The following MEP1B variants were observed in gnomAD, a reference collection of about 807,000 sequenced individuals.
MEP1B encodes the protein meprin A subunit beta.
MEP1B carries 80 observed loss-of-function variants against 84.6 expected under a neutral mutation model. The observed-to-expected ratio is 0.95, with a 90% CI of 0.79 to 1.14. MEP1B has a LOEUF of 1.14. MEP1B is among the 50% of genes most tolerant of loss of function. The pLI is 0.00. For synonymous variants in MEP1B, 273 were observed against 288.1 expected (o/e 0.95, Z 0.53); for missense variants, 766 against 855.1 (o/e 0.90, Z 1.30).
At chr18:32,198,127 G>C (rs16962801) in intron 5 of MEP1B, among the ~76,000 whole-genome samples, 1 of 152,120 alleles carries the variant, frequency 6.6e-6, no homozygotes, top group Non-Finnish European at 1.5e-5. Context: ...TGGAGGGGCA[G>C]TAAACTCAAC....
intron 14 of MEP1B, among the ~76,000 whole-genome samples, chr18:32,219,544 G>A (rs1456428666): frequency 2.0e-5 from 3 of 152,128 alleles, no homozygotes; most frequent in African/African-American, 7.2e-5. Flanking sequence ...TTGGTGCATG[G>A]AAGGTGGAAG....
At position 32,215,255 on chromosome 18, in the gene MEP1B, G is replaced by A. The variant is rs1359146630; in HGVS notation, c.1753G>A (p.Val585Met). 6.4e-7 allele frequency: 1 copy of A among 1,564,704 alleles called. No homozygotes were observed. Among genetic ancestry groups the A allele is most frequent in the Non-Finnish European group, 8.6e-7 (1 of 1,158,182 alleles). Residue 585 changes from valine to methionine, a missense_variant, in exon 12 of 15, where the codon GTG becomes ATG. Val to Met is a conservative substitution (Grantham distance 21). Transcript: ENST00000269202. Reference sequence around the variant, plus strand: ...AGATGATGTTTATATCCTACTGACAGTGGAAGGTATGTCAATAAAAATAGT... The same window carrying A: ...AGATGATGTTTATATCCTACTGACAATGGAAGGTATGTCAATAAAAATAGT... ...KGDDVYILLT[V>M]EDISHLNSTQ...
At chr18:32,214,555 G>A (rs1047322701) in intron 11 of MEP1B, among the ~76,000 whole-genome samples, 1 of 152,134 alleles carries the variant, frequency 6.6e-6, no homozygotes, top group Non-Finnish European at 1.5e-5. Flanking sequence ...GGGCTGGGTA[G>A]GTCATTATCT....
chr18:32,205,813 C>T (rs914608667), intron 7 of MEP1B, among the ~76,000 whole-genome samples: 1 of 152,036 alleles, frequency 6.6e-6, no homozygotes. Context: ...ATTGTATATA[C>T]TTATGTGGTA....
At chr18:32,191,553 C>G (rs1436317367) in intron 1 of MEP1B, among the ~76,000 whole-genome samples, 2 of 151,940 alleles carry the variant, frequency 1.3e-5, no homozygotes, top group South Asian at 2.1e-4. Flanking sequence ...TCTGCCTTTT[C>G]CCCCCCAATT....
rs74456477 is a variant in MEP1B, at chr18:32,203,300, T to G, written c.368+290T>G. 416 of 251,032 alleles carry G rather than the reference T, an allele frequency of 1.7e-3. 10 individuals are homozygous for G. The East Asian group carries it at 0.032, about 19-fold the overall frequency. 15.6% of individuals were successfully genotyped at this position (251,032 alleles called of 1,614,324 possible). On this transcript the variant is annotated intron_variant, in intron 6 of 14. Coordinates refer to ENST00000269202, the MANE Select transcript of MEP1B (RefSeq NM_005925.3). ...GTAATTTACATACTCTTTATCCCTT[T>G]CAAGTAAAAAACATGTGTATTTATG...
chr18:32,220,318 A>G lies in MEP1B; in HGVS notation c.*73A>G. 2 of 1,345,420 alleles carry G rather than the reference A, an allele frequency of 1.5e-6. No homozygotes were observed. Among genetic ancestry groups the G allele is most frequent in the South Asian group, 1.2e-5 (1 of 80,394 alleles). The allele number at this position is 1,345,420 out of a possible 1,614,324, so 83.3% of individuals were successfully genotyped here. A position where few individuals can be genotyped will look rare whatever the true frequency, so the allele number is the denominator to read the frequency against. On this transcript the variant is annotated 3_prime_UTR_variant, in exon 15 of 15. Coordinates refer to ENST00000269202, the MANE Select transcript of MEP1B (RefSeq NM_005925.3). The stretch of plus-strand genomic sequence containing the variant: ...TCATCATGGATTTCGCCTAAGTGAT[A>G]TTACAGCCACCTCATTCTTCTAAAA...
chr18:32,215,183 G>A lies in MEP1B; in HGVS notation c.1681G>A (p.Ala561Thr). ...AAGAGGTGGGGGCTATGGAACCAGT[G>A]CCTTTATAACCCACGAAAGGCTGAA... Reference protein sequence around the residue: ...FRRGGGYGTSAFITHERLKSR... With the variant: ...FRRGGGYGTSTFITHERLKSR... The change falls in exon 12 of 15, where the codon GCC becomes ACC. Residue 561 changes from alanine to threonine, a missense_variant. Physicochemically the swap from Ala to Thr is moderately conservative, Grantham distance 58 (BLOSUM62 0). Coordinates refer to ENST00000269202, the MANE Select transcript of MEP1B (RefSeq NM_005925.3). 1 of 1,612,668 alleles carries A rather than the reference G, an allele frequency of 6.2e-7. No homozygotes were observed. Among genetic ancestry groups the A allele is most frequent in the Non-Finnish European group, 8.5e-7 (1 of 1,179,142 alleles).
intron 5 of MEP1B, among the ~76,000 whole-genome samples, chr18:32,197,711 C>T (rs542208775): frequency 5.3e-5 from 8 of 152,300 alleles, no homozygotes; most frequent in Admixed American, 1.3e-4. Flanking sequence ...TGAGCCACTG[C>T]ACCCAGCCTG....
In MEP1B at chr18:32,213,536, C is replaced by T. The variant is rs771777389; in HGVS notation, c.1556C>T (p.Thr519Ile). 2 of 1,612,488 alleles carry T rather than the reference C, an allele frequency of 1.2e-6. No homozygotes were observed. Among genetic ancestry groups the T allele is most frequent in the African/African-American group, 1.3e-5 (1 of 74,996 alleles). The change falls in exon 11 of 15, where the codon ACT becomes ATT. Residue 519 changes from threonine (T) to isoleucine (I), a missense_variant. By Grantham distance (89) the Thr-to-Ile change is moderately conservative (BLOSUM62 -1). Transcript: ENST00000269202. ...RQRMSNQRSI[T>I]TDPFMTTDNG... ...CGTATGTCCAATCAGCGGAGTATAACTACAGACCCATTTATGACCACCGGT... is the reference window on the plus strand; with the variant it reads ...CGTATGTCCAATCAGCGGAGTATAATTACAGACCCATTTATGACCACCGGT...
At chr18:32,191,756 C>A in intron 1 of MEP1B, 66 bp from the exon 2 acceptor site, 1 of 1,020,754 alleles carries the variant, frequency 9.8e-7, no homozygotes, top group Non-Finnish European at 1.5e-6. Context: ...TAGATATAAA[C>A]TGAATCCAAG....
chr18:32,199,668 GTTCCTTCCTTCC>G (rs201128780), intron 5 of MEP1B, among the ~76,000 whole-genome samples: 79 of 126,932 alleles, frequency 6.2e-4, no homozygotes, highest in East Asian at 2.2e-3. Flanking sequence ...CCTTTCGTTC[GTTCCTTCCTTCC>G]TTCCTTCCTT....
chr18:32,214,579 G>C (rs1161400855), intron 11 of MEP1B, among the ~76,000 whole-genome samples: 1 of 152,178 alleles, frequency 6.6e-6, no homozygotes, highest in African/African-American at 2.4e-5. Context: ...CCCAGAAGCA[G>C]TGCTTCTTGT....
Position 32,196,703 on chromosome 18 carries a change from C to A in MEP1B, c.250+1218C>A. On this transcript the variant is annotated intron_variant, in intron 5 of 14. Transcript: ENST00000269202. The surrounding 1 kb of genome is among the most constrained non-coding windows in gnomAD (Gnocchi z 4.4). ...AGCGCATGAGGTAGTGGGCGCCCTGCAGCAGGCTGAGGGCCAGGGACAGCT... is the reference window on the plus strand; with the variant it reads ...AGCGCATGAGGTAGTGGGCGCCCTGAAGCAGGCTGAGGGCCAGGGACAGCT... The A allele has an allele frequency of 1.6e-6, 1 of 639,406 alleles. No homozygotes were observed. The highest frequency in any genetic ancestry group is 2.8e-6 in the Non-Finnish European group (1 of 351,112). 39.6% of individuals were successfully genotyped at this position (639,406 alleles called of 1,614,324 possible). A position where few individuals can be genotyped will look rare whatever the true frequency, so the allele number is the denominator to read the frequency against.
intron 5 of MEP1B, among the ~76,000 whole-genome samples, chr18:32,197,995 C>G (rs7232644): frequency 0.033 from 4,987 of 152,152 alleles, 274 homozygotes; most frequent in African/African-American, 0.11. Context: ...ATTTGGAAAC[C>G]CTGCTATTTT....
At chr18:32,190,609 C>T (rs1246926145) in intron 1 of MEP1B, among the ~76,000 whole-genome samples, 1 of 152,052 alleles carries the variant, frequency 6.6e-6, no homozygotes, top group Non-Finnish European at 1.5e-5. Context: ...CACAAACCAA[C>T]CCAAGGTTTT....
rs1169133720 is a variant in MEP1B, at chr18:32,196,895, G to A, written c.250+1410G>A. The A allele has an allele frequency of 4.4e-6, 2 of 453,864 alleles. No homozygotes were observed. Among genetic ancestry groups the A allele is most frequent in the African/African-American group, 2.0e-5 (1 of 49,978 alleles). The allele number at this position is 453,864 out of a possible 1,614,324, so 28.1% of individuals were successfully genotyped here. The stretch of plus-strand genomic sequence containing the variant: ...GGAGGCGGGCAAGGAGGCGCAGGCA[G>A]GCTCAGATCTCCACGTGCACTGCTC... On this transcript the variant is annotated intron_variant, in intron 5 of 14. Transcript: ENST00000269202. This position sits in a 1 kb window ranked among gnomAD's most constrained non-coding sequence, Gnocchi z 4.4.
chr18:32,207,576 A>C, intron 8 of MEP1B, 106 bp downstream of exon 8: 1 of 737,450 alleles, frequency 1.4e-6, no homozygotes, highest in Non-Finnish European at 2.3e-6. Flanking sequence ...CTGCGATTAT[A>C]GAGATTTGAT....
intron 13 of MEP1B, 79 bp from the exon 14 acceptor site, chr18:32,217,682 G>A: frequency 8.6e-7 from 1 of 1,159,940 alleles, no homozygotes; most frequent in Non-Finnish European, 1.3e-6. Context: ...TAGACTAAAG[G>A]TGATCCACAT....
Sources: gnomAD v4.1 joint callset for allele counts (sites outside exome capture counted in the v4.1 genomes callset) on GRCh38, gnomAD v4.1.1 for gene constraint, Gnocchi (gnomAD v3.1) non-coding constraint, MANE v1.5 for transcripts, NCBI Gene and HGNC (gene_info 2026-07-23, HGNC 2026-07-21) for gene names.